NXPE1: variants seen among roughly 807,000 people sequenced by gnomAD.
NXPE1 encodes NXPE family member 1.
NXPE1 carries 31 observed loss-of-function variants against 33.3 expected under a neutral mutation model. The observed-to-expected ratio is 0.93, with a 90% CI of 0.70 to 1.26. NXPE1 has a LOEUF of 1.26. Among genes scored for constraint, NXPE1 ranks in the 50% most tolerant of loss-of-function variants. The pLI, the probability that NXPE1 is intolerant of heterozygous loss-of-function variation, is 0.00. For missense variants in NXPE1, 661 were observed against 655.6 expected, an observed-to-expected ratio of 1.01 and a Z score of -0.09; for synonymous variants, 229 against 231.4, an observed-to-expected ratio of 0.99 and a Z score of 0.09.
intron 1 of NXPE1, among the ~76,000 whole-genome samples, chr11:114,555,513 C>G (rs141212681): frequency 0.021 from 3,202 of 152,282 alleles, 120 homozygotes; most frequent in African/African-American, 0.073. Context: ...GCGTGAGCCA[C>G]CACGCCCAGC....
chr11:114,535,459 A>G (rs1359545951), intron 5 of NXPE1, among the ~76,000 whole-genome samples: 1 of 152,188 alleles, frequency 6.6e-6, no homozygotes, highest in African/African-American at 2.4e-5. Context: ...AATGCGCTAA[A>G]TTGCTCCAAT....
chr11:114,533,668 C>T (rs1947675830), intron 5 of NXPE1, among the ~76,000 whole-genome samples: 1 of 152,240 alleles, frequency 6.6e-6, no homozygotes, highest in Non-Finnish European at 1.5e-5. Context: ...GGTCCTACGC[C>T]CACGGAGCCT....
chr11:114,530,213 T>A, exon 6 of NXPE1: 1 of 1,612,670 alleles, frequency 6.2e-7, no homozygotes, highest in Non-Finnish European at 8.5e-7. Flanking sequence ...TAAGATAAGA[T>A]ACCTCTCTAT....
intron 7 of NXPE1, chr11:114,526,681 A>G (rs1301082784): frequency 6.6e-6 from 1 of 152,232 alleles, no homozygotes; most frequent in Non-Finnish European, 1.5e-5. Context: ...GAAGAAGTCC[A>G]TGATGACTTT....
chr11:114,522,990 C>A, exon 8 of NXPE1: 2 of 1,613,702 alleles, frequency 1.2e-6, no homozygotes, highest in Non-Finnish European at 1.7e-6. Flanking sequence ...TCTAACTGAA[C>A]CTGGTTGCAA....
At chr11:114,543,791 G>A (rs1028481807) in intron 5 of NXPE1, among the ~76,000 whole-genome samples, 4 of 151,996 alleles carry the variant, frequency 2.6e-5, no homozygotes, top group Admixed American at 6.6e-5. Context: ...AAAAAGTAAA[G>A]CTGTTTTTAT....
chr11:114,538,976 C>G (rs1459063419), intron 5 of NXPE1, among the ~76,000 whole-genome samples: 2 of 151,012 alleles, frequency 1.3e-5, no homozygotes, highest in Admixed American at 6.6e-5. Context: ...TATAAAGACA[C>G]ATGCACACGT....
At chr11:114,522,130 A>T (rs781430518) in exon 9 of NXPE1, 1 of 1,614,102 alleles carries the variant, frequency 6.2e-7, no homozygotes, top group East Asian at 2.2e-5. Context: ...GAATATAACC[A>T]TGGAAGTCTC....
At chr11:114,543,012 T>G (rs1291439449) in intron 5 of NXPE1, among the ~76,000 whole-genome samples, 1 of 152,128 alleles carries the variant, frequency 6.6e-6, no homozygotes, top group Non-Finnish European at 1.5e-5. Context: ...CCCAGCACTT[T>G]GGGAGGTTGA....
intron 5 of NXPE1, among the ~76,000 whole-genome samples, chr11:114,533,324 A>C (rs560483738): frequency 1.2e-4 from 19 of 152,310 alleles, no homozygotes; most frequent in Non-Finnish European, 8.8e-5. Context: ...AGATGGCAGA[A>C]TAAGAACAGC....
At chr11:114,544,552 C>T (rs1473438829) in intron 5 of NXPE1, among the ~76,000 whole-genome samples, 2 of 152,074 alleles carry the variant, frequency 1.3e-5, no homozygotes, top group Non-Finnish European at 2.9e-5. Context: ...AGACACAGAC[C>T]TCACAATTGA....
downstream of NXPE1, among the ~76,000 whole-genome samples, chr11:114,519,604 C>A (rs1291906394): frequency 6.6e-6 from 1 of 152,088 alleles, no homozygotes; most frequent in Non-Finnish European, 1.5e-5. Context: ...ATAATTCAAT[C>A]TGGTTTTAAA....
At chr11:114,546,465 CTTT>C (rs986166111) in intron 5 of NXPE1, among the ~76,000 whole-genome samples, 8 of 106,564 alleles carry the variant, frequency 7.5e-5, no homozygotes, top group Admixed American at 1.8e-4. Context: ...TATATTTTTT[CTTT>C]TTCTTTTTTT....
chr11:114,520,103 C>T (rs754322210), downstream of NXPE1, among the ~76,000 whole-genome samples: 4 of 152,056 alleles, frequency 2.6e-5, no homozygotes, highest in Non-Finnish European at 4.4e-5. Context: ...TGCCTGGCCA[C>T]AATTACCTTT....
chr11:114,534,641 C>G lies in NXPE1; in HGVS notation c.100-3733G>C, dbSNP rs139004374. Among the ~76,000 whole-genome samples the G allele has an allele frequency of 2.6e-3, 401 of 152,242 alleles. 2 individuals carry two copies. Among genetic ancestry groups the G allele is most frequent in the African/African-American group, 9.2e-3 (384 of 41,526 alleles). On this transcript the variant is annotated intron_variant, in intron 5 of 8. Coordinates refer to ENST00000534921, the Ensembl canonical transcript of NXPE1. ...GCACGAGAGCTACGTGACAAATGCA[C>G]AAGCTTCAGTAACCGATGTGATCAA...
chr11:114,523,922 C>T (rs1947290828), intron 7 of NXPE1, among the ~76,000 whole-genome samples: 1 of 152,154 alleles, frequency 6.6e-6, no homozygotes, highest in African/African-American at 2.4e-5. Flanking sequence ...GTAAGAAAGA[C>T]CAAGATAATA....
At chr11:114,522,064 G>A (rs1387126329) in exon 9 of NXPE1, 1 of 1,613,720 alleles carries the variant, frequency 6.2e-7, no homozygotes, top group Admixed American at 1.7e-5. Flanking sequence ...TCATGTCCCA[G>A]GCATCAATGA....
intron 5 of NXPE1, among the ~76,000 whole-genome samples, chr11:114,540,989 T>C (rs1413036145): frequency 6.6e-6 from 1 of 151,644 alleles, no homozygotes; most frequent in Admixed American, 6.6e-5. Flanking sequence ...TTTCTGAGTA[T>C]GAACTTTGCT....
chr11:114,535,434 C>G (rs1285546332), intron 5 of NXPE1, among the ~76,000 whole-genome samples: 3 of 152,126 alleles, frequency 2.0e-5, no homozygotes, highest in Non-Finnish European at 4.4e-5. Flanking sequence ...CATAACAATA[C>G]TAACCATAAA....
Sources: gnomAD v4.1 joint callset for allele counts (sites outside exome capture counted in the v4.1 genomes callset) on GRCh38, gnomAD v4.1.1 for gene constraint, MANE v1.5 for transcripts, NCBI Gene and HGNC (gene_info 2026-07-23, HGNC 2026-07-21) for gene names.